Variants in FRMPD2 observed in about 807,000 individuals in gnomAD.
The protein encoded by FRMPD2 is FERM and PDZ domain-containing protein 2.
A neutral mutation model predicts 140.1 loss-of-function variants in FRMPD2; 96 were observed. The observed-to-expected ratio is 0.69, with a 90% CI of 0.58 to 0.81. The LOEUF is 0.81. FRMPD2 is among the 40% of genes least tolerant of loss of function. The pLI, the probability that FRMPD2 is intolerant of heterozygous loss-of-function variation, is 0.00. For missense variants in FRMPD2, 1,240 were observed against 1,447.4 expected (o/e 0.86, Z 2.32); for synonymous variants, 449 against 547.6 (o/e 0.82, Z 2.52).
At chr10:48,253,004 C>A (rs1175228042) in intron 1 of FRMPD2, among the ~76,000 whole-genome samples, 1 of 151,984 alleles carries the variant, frequency 6.6e-6, no homozygotes, top group Non-Finnish European at 1.5e-5. Context: ...CTCTCTATAG[C>A]CACAGTGAAA....
intron 23 of FRMPD2, among the ~76,000 whole-genome samples, chr10:48,175,425 A>G (rs1228366333): frequency 6.6e-6 from 1 of 152,006 alleles, no homozygotes; most frequent in Non-Finnish European, 1.5e-5. Flanking sequence ...GCAGTTTTGG[A>G]GACCAGTAAA....
At chr10:48,240,212 C>T (rs1400307617) in intron 6 of FRMPD2, 148 bp downstream of exon 6, 1 of 814,320 alleles carries the variant, frequency 1.2e-6, no homozygotes, top group Non-Finnish European at 1.9e-6. Flanking sequence ...CTAAGCTCAG[C>T]CCCTTCTCTT....
chr10:48,174,655 T>G (rs1403708288), intron 24 of FRMPD2, among the ~76,000 whole-genome samples: 1 of 150,924 alleles, frequency 6.6e-6, no homozygotes, highest in Non-Finnish European at 1.5e-5. Flanking sequence ...GGGGTGAGAT[T>G]TTTTTTACTC....
chr10:48,226,239 G>A (rs868761167), intron 10 of FRMPD2, among the ~76,000 whole-genome samples: 6 of 152,264 alleles, frequency 3.9e-5, no homozygotes, highest in South Asian at 4.1e-4. Context: ...GCTTCAAAAC[G>A]CATTCAGGAC....
intron 22 of FRMPD2, 161 bp from the exon 23 acceptor site, chr10:48,176,100 T>C: frequency 1.6e-6 from 1 of 634,668 alleles, no homozygotes; most frequent in East Asian, 2.8e-5. Context: ...TTAGATTGTA[T>C]TCTCCACTGA....
chr10:48,257,501 A>G (rs971038477), intron 1 of FRMPD2, among the ~76,000 whole-genome samples: 2 of 152,112 alleles, frequency 1.3e-5, no homozygotes, highest in East Asian at 3.9e-4. Context: ...GCTAGTCTCT[A>G]ACTCCTCACC....
rs755209961 is a variant in FRMPD2 at position 48,212,062 on chromosome 10, C to T, written c.1503G>A (p.Ala501=). Residue 501 remains alanine, a synonymous_variant, in exon 13 of 29, where the codon GCG becomes GCA. Transcript: ENST00000374201. The stretch of plus-strand genomic sequence containing the variant: ...GAGCGGTCATCCTCTCGATCAGACT[C>T]GCTGGGATGTAATCTTCAACGTGAA... The part of the protein sequence containing the change: ...PYFHVEDYIP[A]SLIERMTALR... 8 of 1,614,094 alleles carry T rather than the reference C, an allele frequency of 5.0e-6. No individual in the cohort carries two copies. Among genetic ancestry groups the T allele is most frequent in the Non-Finnish European group, 6.8e-6 (8 of 1,179,982 alleles).
chr10:48,194,899 C>T (rs1292255827), intron 15 of FRMPD2, among the ~76,000 whole-genome samples: 3 of 152,226 alleles, frequency 2.0e-5, no homozygotes, highest in African/African-American at 4.8e-5. Context: ...AAGTAGACAG[C>T]CTTTCAAGAA....
rs779694433 is a variant in FRMPD2 at position 48,245,203 on chromosome 10, G to A, written c.310-354C>T. On this transcript the variant is annotated intron_variant, in intron 3 of 28. Coordinates refer to ENST00000374201, the MANE Select transcript of FRMPD2 (RefSeq NM_001018071.4). ...GATGTGATTGATACATGGAGTCTTC[G>A]CAGCCATTCCGTGACAATGAGGCAG... 2.0e-4 allele frequency among the ~76,000 whole-genome samples: 30 copies of A among 152,088 alleles called. 1 individual carries two copies. Among genetic ancestry groups the A allele is most frequent in the South Asian group, 1.7e-3 (8 of 4,824 alleles).
intron 1 of FRMPD2, among the ~76,000 whole-genome samples, chr10:48,266,895 G>A (rs1840686957): frequency 6.6e-6 from 1 of 152,214 alleles, no homozygotes; most frequent in Non-Finnish European, 1.5e-5. Context: ...TGTTGCATGA[G>A]GAGCAGTAAT....
intron 2 of FRMPD2, among the ~76,000 whole-genome samples, chr10:48,249,397 C>T (rs1378819147): frequency 6.6e-6 from 1 of 152,128 alleles, no homozygotes; most frequent in Non-Finnish European, 1.5e-5. Context: ...GCACCTGCAC[C>T]TAAATTCATC....
At chr10:48,188,573 TG>T (rs2131843180) in intron 16 of FRMPD2, among the ~76,000 whole-genome samples, 1 of 152,258 alleles carries the variant, frequency 6.6e-6, no homozygotes, top group Admixed American at 6.5e-5. Context: ...CAGCCTGCTG[TG>T]GGATGCAGGG....
At chr10:48,195,380 T>C (rs1407837194) in intron 15 of FRMPD2, among the ~76,000 whole-genome samples, 1 of 152,236 alleles carries the variant, frequency 6.6e-6, no homozygotes, top group Non-Finnish European at 1.5e-5. Context: ...ATTGAGATAA[T>C]TCACAGAAGA....
At chr10:48,245,302 A>C (rs1840219669) in intron 3 of FRMPD2, among the ~76,000 whole-genome samples, 1 of 152,258 alleles carries the variant, frequency 6.6e-6, no homozygotes, top group Non-Finnish European at 1.5e-5. Context: ...TGATGACATG[A>C]AACGGCTGCT....
intron 14 of FRMPD2, among the ~76,000 whole-genome samples, chr10:48,205,684 T>C (rs1435230226): frequency 6.6e-6 from 1 of 152,118 alleles, no homozygotes; most frequent in African/African-American, 2.4e-5. Context: ...TCAAAATAAT[T>C]TGAAAAAAAG....
chr10:48,182,237 A>T (rs1333302015), intron 20 of FRMPD2, among the ~76,000 whole-genome samples: 2 of 152,108 alleles, frequency 1.3e-5, no homozygotes, highest in Non-Finnish European at 2.9e-5. Flanking sequence ...TCATTCACAG[A>T]TTCTGTCATC....
chr10:48,267,943 C>A (rs917139331), intron 1 of FRMPD2, among the ~76,000 whole-genome samples: 6 of 152,146 alleles, frequency 3.9e-5, no homozygotes, highest in African/African-American at 1.4e-4. Flanking sequence ...CCAGAATAAA[C>A]AAATCCATAG....
intron 1 of FRMPD2, among the ~76,000 whole-genome samples, chr10:48,257,261 A>G (rs1313762133): frequency 1.5e-5 from 2 of 130,466 alleles, no homozygotes; most frequent in Admixed American, 7.7e-5. Flanking sequence ...TTATTTTTTT[A>G]TTTTTTTATT....
intron 3 of FRMPD2, among the ~76,000 whole-genome samples, chr10:48,248,115 C>G (rs1051965059): frequency 1.3e-5 from 2 of 152,148 alleles, no homozygotes; most frequent in Admixed American, 6.5e-5. Flanking sequence ...GAATGCCTCC[C>G]GAGGGTAGCA....
Sources: gnomAD v4.1 joint callset for allele counts (sites outside exome capture counted in the v4.1 genomes callset) on GRCh38, gnomAD v4.1.1 for gene constraint, MANE v1.5 for transcripts, NCBI Gene and HGNC (gene_info 2026-07-23, HGNC 2026-07-21) for gene names.